SCTR: variants seen among roughly 807,000 people sequenced by gnomAD.
SCTR encodes the protein secretin receptor.
A neutral mutation model predicts 60.8 loss-of-function variants in SCTR; 56 were observed. That is an observed-to-expected ratio of 0.92 (90% CI 0.74 to 1.15). SCTR has a LOEUF of 1.15. Among genes scored for constraint, SCTR ranks in the 50% most tolerant of loss-of-function variants. The pLI, the probability that SCTR is intolerant of heterozygous loss-of-function variation, is 0.00. For missense variants in SCTR, 562 were observed against 550.4 expected (o/e 1.02, Z -0.21); for synonymous variants, 202 against 217.0 (o/e 0.93, Z 0.61).
intron 7 of SCTR, among the ~76,000 whole-genome samples, chr2:119,461,550 A>G (rs1037633860): frequency 2.0e-5 from 3 of 152,154 alleles, no homozygotes; most frequent in Non-Finnish European, 2.9e-5. Flanking sequence ...TGTCTCTACT[A>G]AAAATACAAA....
intron 1 of SCTR, among the ~76,000 whole-genome samples, chr2:119,520,876 G>T (rs1679267069): frequency 6.6e-6 from 1 of 152,158 alleles, no homozygotes; most frequent in African/African-American, 2.4e-5. Context: ...CCCTATCTGT[G>T]TATCTGTCCT....
chr2:119,441,638 C>T (rs368462861), intron 11 of SCTR, 39 bp from the exon 12 acceptor site: 1 of 1,600,422 alleles, frequency 6.2e-7, no homozygotes, highest in Non-Finnish European at 8.5e-7. Context: ...AGCACAGGTG[C>T]TCAGCATGCG....
intron 11 of SCTR, among the ~76,000 whole-genome samples, chr2:119,442,410 C>A (rs1211021116): frequency 1.3e-5 from 2 of 152,240 alleles, no homozygotes; most frequent in Non-Finnish European, 2.9e-5. Flanking sequence ...CCCTTCTCTC[C>A]CTTACGGGCC....
At chr2:119,519,857 A>G (rs1197290598) in intron 1 of SCTR, among the ~76,000 whole-genome samples, 1 of 151,026 alleles carries the variant, frequency 6.6e-6, no homozygotes, top group Non-Finnish European at 1.5e-5. Context: ...CAAAGAAAAA[A>G]AAAAGAAAAA....
At chr2:119,501,302 C>T (rs370642217) in intron 1 of SCTR, among the ~76,000 whole-genome samples, 16 of 151,728 alleles carry the variant, frequency 1.1e-4, no homozygotes, top group African/African-American at 3.1e-4. Context: ...TCCAGCTACT[C>T]GGGAGGCTGA....
At chr2:119,501,992 A>G (rs1678569291) in intron 1 of SCTR, among the ~76,000 whole-genome samples, 1 of 152,234 alleles carries the variant, frequency 6.6e-6, no homozygotes, top group Admixed American at 6.5e-5. Context: ...GTAGTGGCTC[A>G]TGCCTGTAAT....
chr2:119,462,225 C>G (rs934095515), intron 6 of SCTR, among the ~76,000 whole-genome samples: 6 of 152,152 alleles, frequency 3.9e-5, no homozygotes. Context: ...GCTGGCCAAT[C>G]AATGAGCCAT....
chr2:119,479,277 G>A, intron 2 of SCTR: 2 of 1,017,826 alleles, frequency 2.0e-6, no homozygotes, highest in Non-Finnish European at 2.3e-6. Context: ...AAACAACTAA[G>A]CAGCAATGGG....
intron 2 of SCTR, among the ~76,000 whole-genome samples, chr2:119,481,186 C>T (rs769836607): frequency 1.6e-4 from 25 of 152,206 alleles, no homozygotes; most frequent in South Asian, 2.1e-4. Flanking sequence ...GCGATGGATG[C>T]GGTGTGCAGA....
At chr2:119,515,688 G>T (rs1679088966) in intron 1 of SCTR, among the ~76,000 whole-genome samples, 2 of 152,174 alleles carry the variant, frequency 1.3e-5, no homozygotes. Flanking sequence ...GTCCCCCCAT[G>T]GTTCCCAGGA....
At chr2:119,478,149 C>T (rs1275069914) in intron 3 of SCTR, among the ~76,000 whole-genome samples, 2 of 152,208 alleles carry the variant, frequency 1.3e-5, no homozygotes, top group African/African-American at 2.4e-5. Context: ...GGGGCAGCTG[C>T]ACAGCTTTTC....
intron 2 of SCTR, among the ~76,000 whole-genome samples, chr2:119,482,384 G>A (rs112343697): frequency 0.025 from 3,748 of 152,262 alleles, 154 homozygotes; most frequent in African/African-American, 0.084. Context: ...CTTTGGAGGC[G>A]GGGCAGTCCC....
intron 9 of SCTR, among the ~76,000 whole-genome samples, chr2:119,451,219 A>T (rs1030632674): frequency 5.3e-5 from 8 of 150,586 alleles, no homozygotes; most frequent in Non-Finnish European, 8.9e-5. Context: ...GTCCGTGTGG[A>T]TGTTACTTCC....
At chr2:119,450,112 G>GAGGGAAGGA (rs1394503504) in intron 9 of SCTR, among the ~76,000 whole-genome samples, 13 of 149,188 alleles carry the variant, frequency 8.7e-5, no homozygotes, top group African/African-American at 3.3e-4. Context: ...TAAATGGAGG[G>GAGGGAAGGA]AGGGAAGGAA....
At chr2:119,487,490 C>T (rs1677921641) in intron 2 of SCTR, 1 of 152,200 alleles carries the variant, frequency 6.6e-6, no homozygotes, top group Non-Finnish European at 1.5e-5. Context: ...TCACAGAGCA[C>T]CTGTGTGACA....
chr2:119,470,542 T>C (rs1676961309), intron 4 of SCTR, among the ~76,000 whole-genome samples: 1 of 152,198 alleles, frequency 6.6e-6, no homozygotes, highest in South Asian at 2.1e-4. Flanking sequence ...ACAATCATTT[T>C]TCTGAGTTAA....
chr2:119,460,865 C>T (rs1683574508), intron 7 of SCTR, among the ~76,000 whole-genome samples: 1 of 152,166 alleles, frequency 6.6e-6, no homozygotes, highest in Non-Finnish European at 1.5e-5. Context: ...ATTTCATTCT[C>T]TCAGGCCTCT....
At position 119,446,782 on chromosome 2, in the gene SCTR, C is replaced by CA. The variant is rs1488291374; in HGVS notation, c.1116dup (p.Glu373Ter). 2 of 1,560,874 alleles carry CA rather than the reference C, an allele frequency of 1.3e-6. No homozygotes were observed. The highest frequency in any genetic ancestry group is 1.4e-5 in the African/African-American group (1 of 72,608). On this transcript the variant is annotated frameshift_variant, in exon 11 of 13. Coordinates refer to ENST00000019103, the MANE Select transcript of SCTR (RefSeq NM_002980.3). LOFTEE classifies it high-confidence loss of function. ...ACCTGGAATGAGCCAAGGGCTAGTT[C>CA]AAAAAACAGCTGGATCTCCATAGCG... is the stretch of plus-strand genomic sequence containing the variant.
At chr2:119,485,421 G>C (rs987210294) in intron 2 of SCTR, among the ~76,000 whole-genome samples, 2 of 152,214 alleles carry the variant, frequency 1.3e-5, no homozygotes, top group African/African-American at 4.8e-5. Flanking sequence ...ACTGAGAGAG[G>C]GGAAAGGGCC....
Sources: allele counts gnomAD v4.1 joint callset (sites outside exome capture counted in the v4.1 genomes callset), GRCh38; gene constraint gnomAD v4.1.1; transcripts MANE v1.5; gene names NCBI Gene and HGNC (gene_info 2026-07-23, HGNC 2026-07-21).